COL5A1: variants seen among roughly 807,000 people sequenced by gnomAD.
The protein encoded by COL5A1 is collagen type V alpha 1 chain, also known as collagen alpha-1(V) chain.
In COL5A1, 16 loss-of-function variants were observed where a neutral mutation model predicts 263.7. That is an observed-to-expected ratio of 0.06 (90% CI 0.04 to 0.09). The LOEUF (loss-of-function observed/expected upper bound fraction) is 0.09, where lower values mean the gene tolerates loss of function less well. Ranked by LOEUF, COL5A1 falls within the 10% of genes least tolerant of loss-of-function variation. COL5A1 has a pLI of 1.00. For missense variants in COL5A1, 2,036 were observed against 2,540.5 expected, an observed-to-expected ratio of 0.80 and a Z score of 4.27; for synonymous variants, 1,012 against 1,004.5, an observed-to-expected ratio of 1.01 and a Z score of -0.14.
At position 134,652,086 on chromosome 9, in the gene COL5A1, C is replaced by T. The variant is rs1298130703; in HGVS notation, c.109+9790C>T. On this transcript the variant is annotated intron_variant, in intron 1 of 65. Transcript: ENST00000371817. The surrounding 1 kb of genome is among the most constrained non-coding windows in gnomAD (Gnocchi z 4.4). Reference sequence around the variant, plus strand: ...CAGAGCCTTTGGCTACAGAGTGTTCCCGCGGTCGAGGTGGGGTGAAGGGCG... The same window carrying T: ...CAGAGCCTTTGGCTACAGAGTGTTCTCGCGGTCGAGGTGGGGTGAAGGGCG... 6.6e-6 allele frequency among the ~76,000 whole-genome samples: 1 copy of T among 152,078 alleles called. No homozygotes were observed. Among genetic ancestry groups the T allele is most frequent in the African/African-American group, 2.4e-5 (1 of 41,410 alleles).
At chr9:134,736,176 A>G (rs911134857) in intron 9 of COL5A1, among the ~76,000 whole-genome samples, 1 of 148,992 alleles carries the variant, frequency 6.7e-6, no homozygotes, top group Non-Finnish European at 1.5e-5. Flanking sequence ...GCCTGGCTGG[A>G]CACAACCTTT....
chr9:134,783,105 C>T (rs1837321935), intron 29 of COL5A1, among the ~76,000 whole-genome samples: 2 of 152,210 alleles, frequency 1.3e-5, no homozygotes, highest in Admixed American at 6.5e-5. Flanking sequence ...ACGGAAATGA[C>T]CCAGCCTACC....
At chr9:134,683,636 C>A (rs555918415) in intron 1 of COL5A1, among the ~76,000 whole-genome samples, 5 of 152,218 alleles carry the variant, frequency 3.3e-5, no homozygotes, top group African/African-American at 1.2e-4. Flanking sequence ...TCAGCAAACA[C>A]GGCTGAGTGC....
In COL5A1 at chr9:134,825,994, G is replaced by C. The variant is rs1839249396; in HGVS notation, c.5067+90G>C. 6 of 758,454 alleles carry C rather than the reference G, an allele frequency of 7.9e-6. No homozygotes were observed. In the East Asian group the frequency reaches 1.6e-4, roughly 20 times the overall value. The allele number at this position is 758,454 out of a possible 1,614,324, so 47.0% of individuals were successfully genotyped here. A position where few individuals can be genotyped will look rare whatever the true frequency, so the allele number is the denominator to read the frequency against. On this transcript the variant is annotated intron_variant, in intron 63 of 65. Coordinates refer to ENST00000371817, the MANE Select transcript of COL5A1 (RefSeq NM_000093.5). Reference sequence around the variant, plus strand: ...GCTTCAAGCATTTCTTGTATATGCAGCTTTAAGACTGAAAGCCAGAAATGA... The same window carrying C: ...GCTTCAAGCATTTCTTGTATATGCACCTTTAAGACTGAAAGCCAGAAATGA...
chr9:134,689,853 G>A (rs925340720), intron 1 of COL5A1, among the ~76,000 whole-genome samples: 2 of 152,032 alleles, frequency 1.3e-5, no homozygotes, highest in Admixed American at 6.5e-5. Flanking sequence ...CCATTCTGTC[G>A]CTGTGATGCC....
rs979271877 is a variant in COL5A1 at position 134,780,108 on chromosome 9, G to A, written c.2392G>A (p.Asp798Asn). Residue 798 changes from aspartate to asparagine, a missense_variant, in exon 28 of 66, where the codon GAT becomes AAT. Transcript: ENST00000371817. ...TCTTTTCCCACCCGCACAGGGGGCC[G>A]ATGGCATCCGTGGTCTGAAGGGCAC... ...YPGPRGVKGA[D>N]GIRGLKGTKG... 10 of 1,613,346 alleles carry A rather than the reference G, an allele frequency of 6.2e-6. No homozygotes were observed. In the East Asian group the frequency reaches 6.7e-5, roughly 11 times the overall value.
chr9:134,642,848 C>T lies in COL5A1; in HGVS notation c.109+552C>T, dbSNP rs1263747432. On this transcript the variant is annotated intron_variant, in intron 1 of 65. Transcript: ENST00000371817. The surrounding 1 kb of genome is among the most constrained non-coding windows in gnomAD (Gnocchi z 4.5). ...CTTTCCCCAGGGACAGCGTTTCCTG[C>T]AGCCTTGGTCACCTAAGTGTTCGGG... 1.3e-5 allele frequency among the ~76,000 whole-genome samples: 2 copies of T among 152,232 alleles called. No individual in the cohort carries two copies. Among genetic ancestry groups the T allele is most frequent in the Non-Finnish European group, 2.9e-5 (2 of 68,036 alleles).
At position 134,682,012 on chromosome 9, in the gene COL5A1, C is replaced by A. The variant is rs373107998; in HGVS notation, c.110-8900C>A. Among the ~76,000 whole-genome samples the A allele has an allele frequency of 1.1e-4, 16 of 152,240 alleles. No homozygotes were observed. In the East Asian group the frequency reaches 2.9e-3, roughly 28 times the overall value. ...GTCCCCACAGCTGCCTTCCCCGAAC[C>A]CCTGATCCCCAGCTCATTCTATCAA... is the stretch of plus-strand genomic sequence containing the variant. On this transcript the variant is annotated intron_variant, in intron 1 of 65. Transcript: ENST00000371817. This position sits in a 1 kb window ranked among gnomAD's most constrained non-coding sequence, Gnocchi z 5.1.
intron 61 of COL5A1, among the ~76,000 whole-genome samples, chr9:134,824,001 T>A (rs1469919222): frequency 6.7e-6 from 1 of 148,414 alleles, no homozygotes; most frequent in Non-Finnish European, 1.5e-5. Context: ...CATGCATGTC[T>A]GGGATATATG....
rs1564484099 is a variant in COL5A1, at chr9:134,822,140, C to T, written c.4598C>T (p.Pro1533Leu). Residue 1533 changes from proline (P) to leucine (L), a missense_variant, in exon 59 of 66, where the codon CCT becomes CTT. Pro to Leu is a moderately conservative substitution (Grantham distance 98). Around this residue, in one of 3 missense-constraint regions of COL5A1, gnomAD observed 1,078 missense variants for 1,521.4 expected, o/e 0.71. Transcript: ENST00000371817. ...PSGPIGPPGP[P>L]GLPGPPGPKG... is the part of the protein sequence containing the mutation. ...GGCCCGATTGGGCCTCCTGGGCCCC[C>T]TGGCCTGCCGGTGTGTATCTGGGAG... 1 of 1,549,184 alleles carries T rather than the reference C, an allele frequency of 6.5e-7. No homozygotes were observed. Among genetic ancestry groups the T allele is most frequent in the Non-Finnish European group, 8.8e-7 (1 of 1,140,628 alleles).
intron 27 of COL5A1, among the ~76,000 whole-genome samples, chr9:134,776,393 G>A (rs1471632736): frequency 6.6e-6 from 1 of 152,214 alleles, no homozygotes; most frequent in Non-Finnish European, 1.5e-5. Flanking sequence ...AATGTTTATG[G>A]AGAATGCTCT....
intron 31 of COL5A1, among the ~76,000 whole-genome samples, chr9:134,786,491 C>T (rs1422764657): frequency 4.6e-5 from 7 of 152,362 alleles, no homozygotes; most frequent in East Asian, 3.9e-4. Flanking sequence ...CAGTCTTCTG[C>T]ACCTGTTGCT....
chr9:134,750,901 C>T lies in COL5A1; in HGVS notation c.1662+19C>T, dbSNP rs755556400. The T allele has an allele frequency of 6.2e-7, 1 of 1,605,352 alleles. No homozygotes were observed. The highest frequency in any genetic ancestry group is 2.2e-5 in the East Asian group (1 of 44,790). ...GGCCAGGGTGAGTACTGCTGGGTCC[C>T]AAGAGGCCTGAAGGGGACAGAGCCC... is the stretch of plus-strand genomic sequence containing the variant. On this transcript the variant is annotated intron_variant, in intron 13 of 65. Coordinates refer to ENST00000371817, the MANE Select transcript of COL5A1 (RefSeq NM_000093.5).
chr9:134,806,406 T>C (rs1413015269), intron 42 of COL5A1, 110 bp downstream of exon 42: 12 of 787,710 alleles, frequency 1.5e-5, no homozygotes, highest in Admixed American at 1.3e-4. Flanking sequence ...TTCCTTGGGA[T>C]TGGGGATGGG....
At chr9:134,673,009 G>A (rs76452943) in intron 1 of COL5A1, among the ~76,000 whole-genome samples, 1,827 of 152,178 alleles carry the variant, frequency 0.012, 31 homozygotes, top group African/African-American at 0.035. Context: ...ATAAATCAAC[G>A]AAGATCTTAA....
intron 65 of COL5A1, among the ~76,000 whole-genome samples, chr9:134,840,667 G>A (rs1839993763): frequency 6.6e-6 from 1 of 152,210 alleles, no homozygotes; most frequent in Non-Finnish European, 1.5e-5. Flanking sequence ...ATAAGCAACA[G>A]AAATTTGTCG....
At chr9:134,769,670 C>A (rs1249158226) in intron 25 of COL5A1, among the ~76,000 whole-genome samples, 1 of 152,182 alleles carries the variant, frequency 6.6e-6, no homozygotes, top group Non-Finnish European at 1.5e-5. Context: ...GGGACAGTGG[C>A]TGGGCCCAGA....
At chr9:134,705,764 G>A (rs1272370871) in intron 4 of COL5A1, among the ~76,000 whole-genome samples, 11 of 152,164 alleles carry the variant, frequency 7.2e-5, no homozygotes, top group African/African-American at 1.7e-4. Flanking sequence ...GTGGCCCATC[G>A]TCCACAGTGG....
chr9:134,798,826 T>C (rs926993502), intron 37 of COL5A1, among the ~76,000 whole-genome samples: 3 of 152,254 alleles, frequency 2.0e-5, no homozygotes, highest in African/African-American at 7.2e-5. Flanking sequence ...TCTAGAATAA[T>C]GCTGAGTGCT....
Sources: gnomAD v4.1 joint callset for allele counts (sites outside exome capture counted in the v4.1 genomes callset) on GRCh38, gnomAD v4.1.1 for gene constraint, gnomAD v4.1.1 regional missense constraint, Gnocchi (gnomAD v3.1) non-coding constraint, MANE v1.5 for transcripts, NCBI Gene and HGNC (gene_info 2026-07-23, HGNC 2026-07-21) for gene names.